Variants in GOPC observed in about 807,000 individuals in gnomAD.
GOPC encodes golgi associated PDZ and coiled-coil motif containing.
GOPC carries 32 observed loss-of-function variants against 51.2 expected under a neutral mutation model. That is an observed-to-expected ratio of 0.63 (90% CI 0.47 to 0.84). GOPC has a LOEUF of 0.84. GOPC is among the 40% of genes least tolerant of loss of function. GOPC has a pLI of 0.00. For missense variants in GOPC, 441 were observed against 555.5 expected (o/e 0.79, Z 2.07); for synonymous variants, 190 against 205.1 (o/e 0.93, Z 0.63).
chr6:117,582,562 G>GA (rs1315895367), intron 1 of GOPC, among the ~76,000 whole-genome samples: 1 of 151,550 alleles, frequency 6.6e-6, no homozygotes, highest in Non-Finnish European at 1.5e-5. Flanking sequence ...GTAGAGAGGA[G>GA]AAGCAGCTGG....
At chr6:117,601,163 C>T (rs1772000467) in intron 1 of GOPC, among the ~76,000 whole-genome samples, 1 of 152,110 alleles carries the variant, frequency 6.6e-6, no homozygotes, top group South Asian at 2.1e-4. Flanking sequence ...TTAGAAAGTA[C>T]TCTTTATGCA....
chr6:117,599,298 T>C (rs1011169378), intron 1 of GOPC, among the ~76,000 whole-genome samples: 2 of 152,176 alleles, frequency 1.3e-5, no homozygotes, highest in Non-Finnish European at 2.9e-5. Flanking sequence ...TTAATGTCCA[T>C]ATAATTAAAA....
At chr6:117,585,084 A>C (rs986212966) in intron 1 of GOPC, among the ~76,000 whole-genome samples, 1 of 152,216 alleles carries the variant, frequency 6.6e-6, no homozygotes, top group South Asian at 2.1e-4. Flanking sequence ...ACAAATTAAC[A>C]TAAGAGGCAT....
At chr6:117,600,010 G>C (rs956878616) in intron 1 of GOPC, among the ~76,000 whole-genome samples, 2 of 152,106 alleles carry the variant, frequency 1.3e-5, no homozygotes, top group Admixed American at 1.3e-4. Context: ...GAAATTTCTC[G>C]TGTGATGTTT....
intron 1 of GOPC, among the ~76,000 whole-genome samples, chr6:117,594,088 T>G (rs1285811565): frequency 6.6e-6 from 1 of 152,236 alleles, no homozygotes; most frequent in Non-Finnish European, 1.5e-5. Context: ...CTTCCCACGA[T>G]TATGATAAAG....
At chr6:117,583,340 A>T (rs575353298) in intron 1 of GOPC, among the ~76,000 whole-genome samples, 17 of 152,338 alleles carry the variant, frequency 1.1e-4, no homozygotes, top group Non-Finnish European at 2.5e-4. Flanking sequence ...ATTGGGTGTG[A>T]GTTACAAATA....
chr6:117,600,708 T>C (rs761406613), intron 1 of GOPC, among the ~76,000 whole-genome samples: 2 of 152,240 alleles, frequency 1.3e-5, no homozygotes, highest in Non-Finnish European at 2.9e-5. Flanking sequence ...AAACATTAAA[T>C]GCAATTTCAC....
chr6:117,574,688 T>G (rs940694838), intron 4 of GOPC, among the ~76,000 whole-genome samples: 1 of 152,222 alleles, frequency 6.6e-6, no homozygotes, highest in Non-Finnish European at 1.5e-5. Context: ...TAACTAGATC[T>G]GCGATACATA....
intron 5 of GOPC, among the ~76,000 whole-genome samples, chr6:117,571,904 C>G (rs1012824046): frequency 6.6e-5 from 10 of 152,108 alleles, no homozygotes; most frequent in Non-Finnish European, 1.3e-4. Flanking sequence ...CCATCCCAGG[C>G]TCCTTCCTTT....
intron 8 of GOPC, among the ~76,000 whole-genome samples, chr6:117,564,576 G>A (rs576742736): frequency 1.6e-4 from 25 of 152,060 alleles, no homozygotes; most frequent in East Asian, 5.8e-4. Context: ...AAGTATAGAC[G>A]TGTGAAACAA....
At position 117,602,368 on chromosome 6, in the gene GOPC, G is replaced by A; in HGVS notation, c.-80C>T. 1.4e-6 allele frequency: 2 copies of A among 1,400,990 alleles called. No individual in the cohort carries two copies. The highest frequency in any genetic ancestry group is 1.9e-6 in the Non-Finnish European group (2 of 1,065,420). 86.8% of individuals were successfully genotyped at this position (1,400,990 alleles called of 1,614,324 possible). ...CGAAGGGAACTGCTGGGACTGAGGG[G>A]ACCCCCGCGCGCGCGGGCACACTCC... On this transcript the variant is annotated 5_prime_UTR_variant, in exon 1 of 9. Transcript: ENST00000368498.
intron 1 of GOPC, among the ~76,000 whole-genome samples, chr6:117,580,117 A>G (rs924823263): frequency 2.6e-5 from 4 of 152,100 alleles, no homozygotes; most frequent in African/African-American, 9.6e-5. Flanking sequence ...CAGTAATGAA[A>G]TATAGACATG....
chr6:117,587,388 A>G (rs1363639271), intron 1 of GOPC, among the ~76,000 whole-genome samples: 2 of 152,154 alleles, frequency 1.3e-5, no homozygotes, highest in Non-Finnish European at 2.9e-5. Context: ...CCAGGCATAC[A>G]TAACTACTAG....
intron 4 of GOPC, among the ~76,000 whole-genome samples, chr6:117,573,951 C>A (rs899365867): frequency 6.6e-6 from 1 of 152,130 alleles, no homozygotes; most frequent in East Asian, 1.9e-4. Flanking sequence ...TGCAAAGTCA[C>A]TGAACTCAGA....
chr6:117,596,058 C>G (rs1231800062), intron 1 of GOPC, among the ~76,000 whole-genome samples: 2 of 150,048 alleles, frequency 1.3e-5, no homozygotes, highest in Non-Finnish European at 3.0e-5. Flanking sequence ...GTGCCAACAT[C>G]TATTTTTTTT....
chr6:117,566,856 T>C lies in GOPC; in HGVS notation c.1256A>G (p.Gln419Arg). The C allele has an allele frequency of 6.4e-7, 1 of 1,554,930 alleles. No individual in the cohort carries two copies. Among genetic ancestry groups the C allele is most frequent in the South Asian group, 1.3e-5 (1 of 79,494 alleles). Residue 419 changes from glutamine (Q) to arginine (R), a missense_variant and splice_region_variant, in exon 8 of 9, where the codon CAA becomes CGA. Gln to Arg is a conservative substitution (Grantham distance 43, BLOSUM62 1). Around this residue, in one of 3 missense-constraint regions of GOPC, gnomAD observed 71 missense variants for 68.8 expected, o/e 1.03. Transcript: ENST00000368498. ...KDTSGEIKVL[Q>R]GFNKKAVTDT... Reference sequence around the variant, plus strand: ...ATAATTTTTAGAGTGATTTTTACCTTGTAATACTTTGATTTCCCCACTTGT... The same window carrying C: ...ATAATTTTTAGAGTGATTTTTACCTCGTAATACTTTGATTTCCCCACTTGT...
intron 7 of GOPC, 39 bp downstream of exon 7, chr6:117,569,533 A>G (rs1185651170): frequency 1.9e-6 from 3 of 1,605,184 alleles, no homozygotes; most frequent in Admixed American, 1.7e-5. Flanking sequence ...TTCATAACCA[A>G]TTGATAGATC....
chr6:117,574,950 G>A (rs1340879877), intron 4 of GOPC, among the ~76,000 whole-genome samples: 1 of 151,992 alleles, frequency 6.6e-6, no homozygotes, highest in Non-Finnish European at 1.5e-5. Flanking sequence ...GTGGTGGCAG[G>A]CACCTGTAAT....
intron 1 of GOPC, among the ~76,000 whole-genome samples, chr6:117,594,414 A>T (rs1780162767): frequency 6.6e-6 from 1 of 152,068 alleles, no homozygotes; most frequent in South Asian, 2.1e-4. Context: ...GGTCTCATTT[A>T]CTCTTATGTA....
Sources: allele counts gnomAD v4.1 joint callset (sites outside exome capture counted in the v4.1 genomes callset), GRCh38; gene constraint gnomAD v4.1.1; regional missense constraint gnomAD v4.1.1; transcripts MANE v1.5; gene names NCBI Gene and HGNC (gene_info 2026-07-23, HGNC 2026-07-21).